The following CCDC122 variants were observed in gnomAD, a reference collection of about 807,000 sequenced individuals.
The protein encoded by CCDC122 is coiled-coil domain containing 122.
A neutral mutation model predicts 37.0 loss-of-function variants in CCDC122; 38 were observed. The observed-to-expected ratio is 1.03, with a 90% CI of 0.79 to 1.35. The LOEUF (loss-of-function observed/expected upper bound fraction) is 1.35. Ranked by LOEUF, CCDC122 falls within the 40% of genes most tolerant of loss-of-function variation. CCDC122 has a pLI of 0.00. For synonymous variants in CCDC122, 83 were observed against 95.6 expected, an observed-to-expected ratio of 0.87 and a Z score of 0.77; for missense variants, 305 against 310.0, an observed-to-expected ratio of 0.98 and a Z score of 0.12.
intron 6 of CCDC122, chr13:43,854,861 T>G (rs892096024): frequency 3.3e-5 from 5 of 152,108 alleles, no homozygotes; most frequent in African/African-American, 1.2e-4. Context: ...TAAACAGAAC[T>G]GAAGACAAAC....
intron 2 of CCDC122, 181 bp downstream of exon 2, chr13:43,874,661 T>C (rs990386222): frequency 2.6e-5 from 4 of 152,192 alleles, no homozygotes; most frequent in Non-Finnish European, 5.9e-5. Flanking sequence ...ACTTCTGTTG[T>C]GCAATGAAAA....
chr13:43,830,913 T>C (rs1953083249), intron 3 of CCDC122, among the ~76,000 whole-genome samples: 1 of 151,994 alleles, frequency 6.6e-6, no homozygotes, highest in Non-Finnish European at 1.5e-5. Flanking sequence ...TTAAAAGAGA[T>C]GAAAGAAACA....
At chr13:43,825,410 G>T (rs1172871406) in intron 3 of CCDC122, among the ~76,000 whole-genome samples, 16 of 152,230 alleles carry the variant, frequency 1.1e-4, no homozygotes, top group African/African-American at 3.1e-4. Flanking sequence ...GTAGGGCAAG[G>T]GCTGAAAAAT....
intron 4 of CCDC122, among the ~76,000 whole-genome samples, 188 bp from the exon 5 acceptor site, chr13:43,860,258 C>T (rs1954064425): frequency 6.6e-6 from 1 of 151,780 alleles, no homozygotes; most frequent in Non-Finnish European, 1.5e-5. Flanking sequence ...AGAAGGACCT[C>T]AGTTATATAT....
chr13:43,820,512 C>T (rs1487885277), downstream of CCDC122, among the ~76,000 whole-genome samples: 1 of 152,082 alleles, frequency 6.6e-6, no homozygotes, highest in Non-Finnish European at 1.5e-5. Context: ...GCTATTTGAA[C>T]ATCAATAATA....
At chr13:43,822,932 A>C (rs1400278187), downstream of CCDC122, among the ~76,000 whole-genome samples, 1 of 152,022 alleles carries the variant, frequency 6.6e-6, no homozygotes, top group Non-Finnish European at 1.5e-5. Context: ...CTGGTGCTCT[A>C]CTCCCCAGTG....
chr13:43,869,801 C>T (rs1322043878), intron 2 of CCDC122, among the ~76,000 whole-genome samples: 1 of 151,874 alleles, frequency 6.6e-6, no homozygotes, highest in Non-Finnish European at 1.5e-5. Context: ...TATGTAACTC[C>T]AGTACTATGA....
intron 6 of CCDC122, among the ~76,000 whole-genome samples, chr13:43,842,652 A>G (rs1953394194): frequency 1.3e-5 from 2 of 151,992 alleles, no homozygotes; most frequent in Admixed American, 1.3e-4. Flanking sequence ...TGTTTTCTAA[A>G]CTATGAACAT....
intron 4 of CCDC122, among the ~76,000 whole-genome samples, chr13:43,860,865 C>T (rs1954080360): frequency 6.6e-6 from 1 of 152,218 alleles, no homozygotes; most frequent in Admixed American, 6.5e-5. Context: ...ACCTCTAATT[C>T]ACTATATCCA....
At position 43,836,973 on chromosome 13, in the gene CCDC122, T is replaced by C; in HGVS notation, c.*307A>G. ...TCTAAATTTTTACTTCATAGGGTAG[T>C]GAATGCAACATAAACAGGTATTCAT... On this transcript the variant is annotated 3_prime_UTR_variant, in exon 7 of 7. Transcript: ENST00000444614. 4.6e-6 allele frequency: 1 copy of C among 216,198 alleles called. No homozygotes were observed. Among genetic ancestry groups the C allele is most frequent in the South Asian group, 1.8e-4 (1 of 5,520 alleles). 13.4% of individuals were successfully genotyped at this position (216,198 alleles called of 1,614,324 possible).
chr13:43,864,975 C>T (rs1954226241), intron 4 of CCDC122, among the ~76,000 whole-genome samples: 1 of 152,110 alleles, frequency 6.6e-6, no homozygotes, highest in African/African-American at 2.4e-5. Flanking sequence ...AAACCTTAAA[C>T]TATGCGGGGT....
At chr13:43,868,866 TTA>T (rs749137476) in intron 3 of CCDC122, 63 bp from the exon 4 acceptor site, 64 of 670,610 alleles carry the variant, frequency 9.5e-5, no homozygotes, top group South Asian at 5.3e-4. Context: ...TTTAAGAAAG[TTA>T]TGTTTCTTTA....
chr13:43,821,913 T>C (rs1300146872), downstream of CCDC122, among the ~76,000 whole-genome samples: 1 of 152,226 alleles, frequency 6.6e-6, no homozygotes, highest in Non-Finnish European at 1.5e-5. Context: ...GAATTTCTCA[T>C]AAGTTTCCTC....
intron 6 of CCDC122, among the ~76,000 whole-genome samples, chr13:43,853,754 C>T (rs761331818): frequency 1.3e-5 from 2 of 152,170 alleles, no homozygotes; most frequent in Non-Finnish European, 2.9e-5. Flanking sequence ...AAACACTCCT[C>T]AGCAAATGTG....
At chr13:43,828,446 T>G (rs780623346) in intron 3 of CCDC122, among the ~76,000 whole-genome samples, 1 of 152,000 alleles carries the variant, frequency 6.6e-6, no homozygotes, top group Non-Finnish European at 1.5e-5. Flanking sequence ...CCTTCCCCAG[T>G]TGGGATTAAT....
chr13:43,855,800 G>A (rs1296710791), intron 6 of CCDC122: 2 of 152,122 alleles, frequency 1.3e-5, no homozygotes, highest in Non-Finnish European at 2.9e-5. Flanking sequence ...AAGACAGTGT[G>A]GCAATTCCTC....
At chr13:43,857,757 G>T (rs1484671123) in intron 6 of CCDC122, among the ~76,000 whole-genome samples, 1 of 152,032 alleles carries the variant, frequency 6.6e-6, no homozygotes, top group South Asian at 2.1e-4. Context: ...ACAAAAATTA[G>T]CTGGGCATTG....
chr13:43,825,747 G>A (rs921191642), intron 3 of CCDC122, among the ~76,000 whole-genome samples: 5 of 145,708 alleles, frequency 3.4e-5, no homozygotes, highest in Admixed American at 2.8e-4. Context: ...TACAGCCTGG[G>A]CGACGGAGTG....
chr13:43,865,953 G>A (rs1035128326), intron 4 of CCDC122, among the ~76,000 whole-genome samples: 2 of 152,052 alleles, frequency 1.3e-5, no homozygotes, highest in Admixed American at 1.3e-4. Context: ...CTGATACTTT[G>A]GGGCCATTAA....
Sources: gnomAD v4.1 joint callset for allele counts (sites outside exome capture counted in the v4.1 genomes callset) on GRCh38, gnomAD v4.1.1 for gene constraint, MANE v1.5 for transcripts, NCBI Gene and HGNC (gene_info 2026-07-23, HGNC 2026-07-21) for gene names.